The following KIAA1217 variants were observed in gnomAD, a reference collection of about 807,000 sequenced individuals.
KIAA1217 encodes KIAA1217.
Under a neutral mutation model 163.9 loss-of-function variants are expected in KIAA1217, and 88 were observed. The observed-to-expected ratio is 0.54, with a 90% CI of 0.45 to 0.64. KIAA1217 has a LOEUF of 0.64. Among genes scored for constraint, KIAA1217 ranks in the 30% least tolerant of loss-of-function variants. The pLI is 0.00. For missense variants in KIAA1217, 2,372 were observed against 2,475.0 expected (o/e 0.96, Z 0.88); for synonymous variants, 903 against 923.1 (o/e 0.98, Z 0.39).
At chr10:24,515,058 A>G (rs1324763008) in intron 10 of KIAA1217, among the ~76,000 whole-genome samples, 2 of 151,930 alleles carry the variant, frequency 1.3e-5, no homozygotes, top group African/African-American at 4.8e-5. Flanking sequence ...TAAATTTTCC[A>G]ATAAAATTAT....
intron 2 of KIAA1217, among the ~76,000 whole-genome samples, chr10:24,355,947 C>T (rs1414292303): frequency 6.6e-6 from 1 of 151,368 alleles, no homozygotes; most frequent in African/African-American, 2.4e-5. Flanking sequence ...CGGGATTTCA[C>T]TATATTGGTC....
intron 9 of KIAA1217, among the ~76,000 whole-genome samples, chr10:24,506,325 C>A (rs2068356686): frequency 6.6e-6 from 1 of 152,130 alleles, no homozygotes; most frequent in Non-Finnish European, 1.5e-5. Context: ...CCATTGTTGG[C>A]AAGACTGATA....
At chr10:24,370,264 CAAA>C (rs5783891) in intron 2 of KIAA1217, among the ~76,000 whole-genome samples, 8 of 73,426 alleles carry the variant, frequency 1.1e-4, no homozygotes, top group Admixed American at 1.7e-4. Flanking sequence ...GACTCTGTCT[CAAA>C]AAAAAAAAAA....
intron 2 of KIAA1217, among the ~76,000 whole-genome samples, chr10:24,156,417 T>G (rs1581857): frequency 0.73 from 111,359 of 152,058 alleles, 41,075 homozygotes; most frequent in Middle Eastern, 0.79. Flanking sequence ...TGCAGATAAA[T>G]CCAATATGAA....
chr10:24,212,809 T>C lies in KIAA1217; in HGVS notation c.70+3546T>C, dbSNP rs573303473. Reference sequence around the variant, plus strand: ...CACAGCAAGGACCATGTTTTATTTATTCACGTTTGCATTTCCAGCACCTAA... The same window carrying C: ...CACAGCAAGGACCATGTTTTATTTACTCACGTTTGCATTTCCAGCACCTAA... On this transcript the variant is annotated intron_variant, in intron 1 of 20. Coordinates refer to ENST00000376454, the MANE Select transcript of KIAA1217 (RefSeq NM_019590.5). Among the ~76,000 whole-genome samples, 8 of 152,326 alleles carry C rather than the reference T, an allele frequency of 5.3e-5. No homozygotes were observed. In the South Asian group the frequency reaches 1.7e-3, roughly 32 times the overall value.
intron 3 of KIAA1217, among the ~76,000 whole-genome samples, chr10:24,424,848 A>C (rs1003330309): frequency 6.6e-6 from 1 of 152,102 alleles, no homozygotes; most frequent in Non-Finnish European, 1.5e-5. Flanking sequence ...TGATCTGCCC[A>C]CCTCGGCCTC....
At chr10:24,154,383 C>T (rs572572537) in intron 2 of KIAA1217, among the ~76,000 whole-genome samples, 11 of 152,136 alleles carry the variant, frequency 7.2e-5, no homozygotes, top group African/African-American at 1.4e-4. Flanking sequence ...GCTGTGATCA[C>T]GCCACTGCAC....
Position 24,543,009 on chromosome 10 carries a change from TC to T in KIAA1217, c.3741del (p.Asn1248IlefsTer2). On this transcript the variant is annotated frameshift_variant, in exon 19 of 21. Coordinates refer to ENST00000376454, the MANE Select transcript of KIAA1217 (RefSeq NM_019590.5). LOFTEE classifies it high-confidence loss of function. ...GATCATAATGAAGGAAAATTCCATA[TC>T]CAATATGAGTTTACTCAGAGACAGT... The part of the protein sequence containing the change: ...TEIIMKENSI[S>X]NMSLLRDSRN... The T allele has an allele frequency of 1.2e-6, 2 of 1,613,658 alleles. No homozygotes were observed. Among genetic ancestry groups the T allele is most frequent in the South Asian group, 2.2e-5 (2 of 91,048 alleles).
intron 1 of KIAA1217, among the ~76,000 whole-genome samples, chr10:23,926,613 T>C (rs1250370504): frequency 6.6e-6 from 1 of 151,956 alleles, no homozygotes. Flanking sequence ...TAATCCCAGC[T>C]ACTCAGGAGG....
chr10:24,431,386 G>C (rs527708212), intron 3 of KIAA1217, among the ~76,000 whole-genome samples: 1 of 152,270 alleles, frequency 6.6e-6, no homozygotes, highest in Admixed American at 6.5e-5. Context: ...CCTAAGCATA[G>C]TGACTTCACA....
At chr10:23,934,621 A>ATTTT (rs1417805516) in intron 1 of KIAA1217, among the ~76,000 whole-genome samples, 14 of 61,722 alleles carry the variant, frequency 2.3e-4, no homozygotes, top group South Asian at 7.6e-4. Flanking sequence ...ATATATATAT[A>ATTTT]TATATTTTTT....
intron 1 of KIAA1217, among the ~76,000 whole-genome samples, chr10:23,862,464 AAC>A (rs1839999827): frequency 6.6e-6 from 1 of 152,190 alleles, no homozygotes; most frequent in African/African-American, 2.4e-5. Context: ...TTGTTGACCA[AAC>A]ACATGTTGTT....
At chr10:24,003,355 T>C (rs4431921) in intron 1 of KIAA1217, among the ~76,000 whole-genome samples, 16,777 of 152,240 alleles carry the variant, frequency 0.11, 1,184 homozygotes, top group African/African-American at 0.19. Flanking sequence ...TTAGCCATTC[T>C]TGCAGGAGTA....
chr10:23,933,753 A>G (rs542668388), intron 1 of KIAA1217, among the ~76,000 whole-genome samples: 2 of 152,330 alleles, frequency 1.3e-5, no homozygotes, highest in East Asian at 3.9e-4. Flanking sequence ...TTCTCAAAAG[A>G]AGACATTTAC....
intron 1 of KIAA1217, among the ~76,000 whole-genome samples, chr10:23,916,926 C>T (rs187683032): frequency 5.1e-4 from 71 of 140,406 alleles, no homozygotes; most frequent in African/African-American, 1.9e-3. Flanking sequence ...GAGCTGAGAT[C>T]GTGCCATTGC....
At chr10:23,845,440 G>A (rs1341705757) in intron 1 of KIAA1217, among the ~76,000 whole-genome samples, 1 of 152,170 alleles carries the variant, frequency 6.6e-6, no homozygotes. Flanking sequence ...TAACTGGCAT[G>A]AGATGGTATC....
In KIAA1217 at chr10:24,274,892, C is replaced by A. The variant is rs546108150; in HGVS notation, c.354+54983C>A. ...GTACTTCCACACCATACTTAAGGGCCATTTCATTTTATTTCTTATTTTTAA... is the reference window on the plus strand; with the variant it reads ...GTACTTCCACACCATACTTAAGGGCAATTTCATTTTATTTCTTATTTTTAA... On this transcript the variant is annotated intron_variant, in intron 2 of 20. Coordinates refer to ENST00000376454, the MANE Select transcript of KIAA1217 (RefSeq NM_019590.5). Among the ~76,000 whole-genome samples the A allele has an allele frequency of 3.3e-5, 5 of 152,192 alleles. No homozygotes were observed. The East Asian group carries it at 9.7e-4, about 29-fold the overall frequency.
chr10:23,878,492 A>C (rs1300860505), intron 1 of KIAA1217, among the ~76,000 whole-genome samples: 1 of 151,928 alleles, frequency 6.6e-6, no homozygotes, highest in Non-Finnish European at 1.5e-5. Flanking sequence ...GTTCTATTTC[A>C]GATGGGAAGC....
At chr10:23,737,887 T>C (rs1336702072) in intron 1 of KIAA1217, among the ~76,000 whole-genome samples, 1 of 151,558 alleles carries the variant, frequency 6.6e-6, no homozygotes, top group Non-Finnish European at 1.5e-5. Flanking sequence ...CTGGATGATA[T>C]TGTTAGCTAA....
Sources: allele counts gnomAD v4.1 joint callset (sites outside exome capture counted in the v4.1 genomes callset), GRCh38; gene constraint gnomAD v4.1.1; transcripts MANE v1.5; gene names NCBI Gene and HGNC (gene_info 2026-07-23, HGNC 2026-07-21).